Variants in KCTD4 observed in about 807,000 individuals in gnomAD.
The protein encoded by KCTD4 is potassium channel tetramerization domain containing 4, also known as BTB/POZ domain-containing protein KCTD4.
KCTD4 carries 12 observed loss-of-function variants against 18.3 expected under a neutral mutation model. The ratio of observed to expected loss-of-function variants is 0.66; its 90% CI spans 0.42 to 1.06. The LOEUF is 1.06. Among genes scored for constraint, KCTD4 ranks in the 50% least tolerant of loss-of-function variants. The probability of loss-of-function intolerance (pLI) is 0.00; values close to 1 mark genes in which losing one functional copy is unlikely to be tolerated. For missense variants in KCTD4, 250 were observed against 303.4 expected (o/e 0.82, Z 1.31); for synonymous variants, 124 against 110.5 (o/e 1.12, Z -0.76).
chr13:45,197,430 G>A (rs12866139), intron 1 of KCTD4, among the ~76,000 whole-genome samples: 1 of 150,440 alleles, frequency 6.6e-6, no homozygotes, highest in Admixed American at 6.7e-5. Context: ...AATCGCCTGA[G>A]CCCGGGAGGT....
intron 1 of KCTD4, among the ~76,000 whole-genome samples, chr13:45,195,977 T>C (rs1191352457): frequency 6.6e-6 from 1 of 152,168 alleles, no homozygotes; most frequent in Non-Finnish European, 1.5e-5. Context: ...AGTTAGACTT[T>C]AGTTTATATT....
rs575892091 is a variant in KCTD4 at position 45,200,061 on chromosome 13, C to T, written c.-188+763G>A. Among the ~76,000 whole-genome samples, 11 of 151,736 alleles carry T rather than the reference C, an allele frequency of 7.2e-5. No individual in the cohort carries two copies. In the South Asian group the frequency reaches 1.9e-3, roughly 26 times the overall value. On this transcript the variant is annotated intron_variant, in intron 1 of 1. Coordinates refer to ENST00000379108, the MANE Select transcript of KCTD4 (RefSeq NM_198404.3). Reference sequence around the variant, plus strand: ...CTATAACTGAGGTACATCTTAATATCGTTAGCTTGTCAAAGTTTAGCAGCA... The same window carrying T: ...CTATAACTGAGGTACATCTTAATATTGTTAGCTTGTCAAAGTTTAGCAGCA...
intron 1 of KCTD4, among the ~76,000 whole-genome samples, chr13:45,195,181 C>T (rs1426169320): frequency 1.3e-5 from 2 of 152,032 alleles, no homozygotes; most frequent in Non-Finnish European, 2.9e-5. Context: ...TGACACTGCA[C>T]TTGAATTTAA....
intron 1 of KCTD4, among the ~76,000 whole-genome samples, chr13:45,195,528 C>CTTGT (rs10564668): frequency 0.011 from 1,727 of 151,968 alleles, 26 homozygotes; most frequent in Non-Finnish European, 0.015. Context: ...AAGTTAGTTT[C>CTTGT]TTGTTTGTTT....
intron 1 of KCTD4, among the ~76,000 whole-genome samples, chr13:45,197,341 TAAA>T (rs67534725): frequency 7.3e-6 from 1 of 137,104 alleles, no homozygotes. Flanking sequence ...TACCAAAAAT[TAAA>T]AAAAAAAAAA....
In KCTD4 at chr13:45,194,167, T is replaced by A. The variant is rs1321361952; in HGVS notation, c.401A>T (p.Gln134Leu). Residue 134 changes from glutamine to leucine, a missense_variant, in exon 2 of 2, where the codon CAG becomes CTG. Transcript: ENST00000379108. ...EEVKSRWEKE[Q>L]LTPRETTFLE... ...GAAAGTAGTCTCTCTGGGTGTTAGC[T>A]GTTCTTTCTCCCACCTGGATTTCAC... 1 of 1,614,162 alleles carries A rather than the reference T, an allele frequency of 6.2e-7. No individual in the cohort carries two copies. Among genetic ancestry groups the A allele is most frequent in the Non-Finnish European group, 8.5e-7 (1 of 1,180,016 alleles).
Position 45,193,609 on chromosome 13 carries a change from C to G in KCTD4, c.*179G>C, listed in dbSNP as rs1348668235. ...GAAGAGTCTGATCAGTAGGAACACCCCAGAGGAAGGACATCTTTAGCGATA... is the reference window on the plus strand; with the variant it reads ...GAAGAGTCTGATCAGTAGGAACACCGCAGAGGAAGGACATCTTTAGCGATA... On this transcript the variant is annotated 3_prime_UTR_variant, in exon 2 of 2. Transcript: ENST00000379108. The G allele has an allele frequency of 1.0e-5, 6 of 580,642 alleles. No individual in the cohort carries two copies. The allele number at this position is 580,642 out of a possible 1,614,324, so 36.0% of individuals were successfully genotyped here.
intron 1 of KCTD4, among the ~76,000 whole-genome samples, chr13:45,200,187 C>T (rs978005139): frequency 5.3e-5 from 8 of 151,518 alleles, no homozygotes; most frequent in African/African-American, 1.5e-4. Context: ...CTATTCCCTC[C>T]GTATCACAAG....
chr13:45,197,509 CAA>C (rs1195927657), intron 1 of KCTD4, among the ~76,000 whole-genome samples: 30 of 91,406 alleles, frequency 3.3e-4, no homozygotes, highest in Non-Finnish European at 3.5e-4. Context: ...ACCCTGTCTC[CAA>C]AAAAAAAAAA....
At chr13:45,195,660 C>T (rs754703686) in intron 1 of KCTD4, among the ~76,000 whole-genome samples, 1 of 152,122 alleles carries the variant, frequency 6.6e-6, no homozygotes, top group Non-Finnish European at 1.5e-5. Context: ...CCTCTTTCCC[C>T]TATAACTTCC....
At position 45,194,469 on chromosome 13, in the gene KCTD4, TG is replaced by T; in HGVS notation, c.98del (p.Thr33AsnfsTer2). 1 of 1,614,128 alleles carries T rather than the reference TG, an allele frequency of 6.2e-7. No homozygotes were observed. Among genetic ancestry groups the T allele is most frequent in the Non-Finnish European group, 8.5e-7 (1 of 1,179,956 alleles). On this transcript the variant is annotated frameshift_variant, in exon 2 of 2. Coordinates refer to ENST00000379108, the MANE Select transcript of KCTD4 (RefSeq NM_198404.3). LOFTEE classifies it high-confidence loss of function. ...DTDQGKNCKS[T>X]LMTLNVGGYL... ...ATCCACCAACGTTGAGGGTCATCAG[TG>T]TGGATTTGCAGTTCTTTCCTTGATC...
In KCTD4 at chr13:45,194,520, C is replaced by A; in HGVS notation, c.48G>T (p.Gly16=). The change falls in exon 2 of 2, where the codon GGG becomes GGT. Residue 16 remains glycine, a synonymous_variant. Transcript: ENST00000379108. ...CAGTATCTTCCAGGCTGTTGTGTTT[C>A]CCTTCATACTCCTTTTCTTTTTCTC... ...NRREKEKEYE[G]KHNSLEDTDQ... The A allele has an allele frequency of 6.2e-7, 1 of 1,613,900 alleles. No individual in the cohort carries two copies. Among genetic ancestry groups the A allele is most frequent in the Non-Finnish European group, 8.5e-7 (1 of 1,179,870 alleles).
At chr13:45,198,697 ATTTT>A (rs532691559) in intron 1 of KCTD4, among the ~76,000 whole-genome samples, 2 of 145,486 alleles carry the variant, frequency 1.4e-5, no homozygotes, top group South Asian at 2.2e-4. Context: ...ACTTGCCCAC[ATTTT>A]TTTTTTGTTT....
intron 1 of KCTD4, among the ~76,000 whole-genome samples, chr13:45,197,341 T>TA (rs67534725): frequency 0.11 from 15,083 of 137,112 alleles, 2,128 homozygotes; most frequent in African/African-American, 0.33. Flanking sequence ...TACCAAAAAT[T>TA]AAAAAAAAAA....
At chr13:45,200,085 C>T (rs963569243) in intron 1 of KCTD4, among the ~76,000 whole-genome samples, 20 of 151,792 alleles carry the variant, frequency 1.3e-4, no homozygotes, top group African/African-American at 4.4e-4. Context: ...AGTTTAGCAG[C>T]AGTATTTTGT....
chr13:45,197,338 A>T (rs1872946684), intron 1 of KCTD4, among the ~76,000 whole-genome samples: 1 of 132,628 alleles, frequency 7.5e-6, no homozygotes. Flanking sequence ...GTCTACCAAA[A>T]ATTAAAAAAA....
intron 1 of KCTD4, among the ~76,000 whole-genome samples, chr13:45,196,750 G>C (rs747542565): frequency 4.6e-5 from 7 of 152,188 alleles, no homozygotes; most frequent in Non-Finnish European, 1.0e-4. Context: ...CTTACACCCT[G>C]TTTGGCCTGT....
At chr13:45,194,929 TTAAC>T (rs1216906771) in intron 1 of KCTD4, among the ~76,000 whole-genome samples, 175 bp from the exon 2 acceptor site, 3 of 152,248 alleles carry the variant, frequency 2.0e-5, no homozygotes, top group Non-Finnish European at 2.9e-5. Context: ...ATGTGAATGT[TTAAC>T]TATTTCTAAA....
rs777328955 is a variant in KCTD4, at chr13:45,193,926, G to A, written c.642C>T (p.Asn214=). ...NGTRLVLKED[N]TFVCTLETLK... is the part of the protein sequence containing the mutation. ...GAGTTTCCAAGGTACAGACAAAGGT[G>A]TTGTCTTCCTTTAGTACAAGTCGAG... The change falls in exon 2 of 2, where the codon AAC becomes AAT. Residue 214 remains asparagine (N), a synonymous_variant. Transcript: ENST00000379108. 1.9e-6 allele frequency: 3 copies of A among 1,614,092 alleles called. No individual in the cohort carries two copies. In the South Asian group the frequency reaches 3.3e-5, roughly 18 times the overall value.
Sources: allele counts gnomAD v4.1 joint callset (sites outside exome capture counted in the v4.1 genomes callset), GRCh38; gene constraint gnomAD v4.1.1; transcripts MANE v1.5; gene names NCBI Gene and HGNC (gene_info 2026-07-23, HGNC 2026-07-21).